The following ECHDC1 variants were observed in gnomAD, a reference collection of about 807,000 sequenced individuals.
ECHDC1 encodes ethylmalonyl-CoA decarboxylase.
ECHDC1 carries 29 observed loss-of-function variants against 29.7 expected under a neutral mutation model. That is an observed-to-expected ratio of 0.98 (90% CI 0.73 to 1.33). The LOEUF (loss-of-function observed/expected upper bound fraction) is 1.33. Ranked by LOEUF, ECHDC1 falls within the 40% of genes most tolerant of loss-of-function variation. ECHDC1 has a pLI of 0.00. For missense variants in ECHDC1, 328 were observed against 350.0 expected (o/e 0.94, Z 0.50); for synonymous variants, 126 against 123.1 (o/e 1.02, Z -0.15).
chr6:127,320,841 C>CA (rs1782773827), intron 3 of ECHDC1, among the ~76,000 whole-genome samples: 1 of 151,678 alleles, frequency 6.6e-6, no homozygotes, highest in Non-Finnish European at 1.5e-5. Context: ...TTTTCCTGCA[C>CA]AATAACCAAA....
intron 1 of ECHDC1, chr6:127,342,263 C>T (rs1785017829): frequency 4.4e-6 from 6 of 1,362,630 alleles, no homozygotes; most frequent in African/African-American, 1.5e-5. Flanking sequence ...TTTGCAGTGC[C>T]TAAAGATAAT....
At chr6:127,315,198 A>T in intron 4 of ECHDC1, 1 of 516,500 alleles carries the variant, frequency 1.9e-6, no homozygotes, top group Non-Finnish European at 3.7e-6. Flanking sequence ...AAATAAATGG[A>T]TGCTTTTGTC....
In ECHDC1 at chr6:127,293,520, A is replaced by T. The variant is rs530053649; in HGVS notation, c.498-3243T>A. On this transcript the variant is annotated intron_variant, in intron 5 of 5. Transcript: ENST00000454859. ...AACATGGTACAAAGAGGAGAGGAAG[A>T]TTCATCTCTAGATCTTAGGAAGTTA... Among the ~76,000 whole-genome samples, 4 of 152,272 alleles carry T rather than the reference A, an allele frequency of 2.6e-5. No individual in the cohort carries two copies. The East Asian group carries it at 5.8e-4, about 22-fold the overall frequency.
chr6:127,311,949 G>A (rs1781975507), intron 5 of ECHDC1, among the ~76,000 whole-genome samples: 1 of 151,854 alleles, frequency 6.6e-6, no homozygotes, highest in African/African-American at 2.4e-5. Flanking sequence ...GTATATGGGA[G>A]TTATATGTAT....
At chr6:127,290,360 T>G in intron 5 of ECHDC1, 83 bp from the exon 6 acceptor site, 4 of 1,376,422 alleles carry the variant, frequency 2.9e-6, no homozygotes, top group Non-Finnish European at 3.9e-6. Context: ...TGATCTGATG[T>G]GAATTCTCCA....
chr6:127,302,038 C>CAGT (rs536099909), intron 5 of ECHDC1, among the ~76,000 whole-genome samples: 32 of 152,260 alleles, frequency 2.1e-4, no homozygotes, highest in Non-Finnish European at 2.6e-4. Flanking sequence ...TGAGAGTAGG[C>CAGT]AGTACCCTCA....
At chr6:127,325,324 A>G (rs1783222512) in intron 3 of ECHDC1, among the ~76,000 whole-genome samples, 1 of 152,234 alleles carries the variant, frequency 6.6e-6, no homozygotes, top group African/African-American at 2.4e-5. Flanking sequence ...AAACAATGAC[A>G]GCTAAAGGTA....
intron 5 of ECHDC1, among the ~76,000 whole-genome samples, chr6:127,307,421 G>A (rs1345827897): frequency 2.0e-5 from 3 of 152,064 alleles, no homozygotes; most frequent in Middle Eastern, 6.8e-3. Context: ...ACGAGGTCAG[G>A]AGTTTGAGAC....
intron 5 of ECHDC1, among the ~76,000 whole-genome samples, chr6:127,298,593 T>C (rs1780800322): frequency 6.8e-6 from 1 of 147,398 alleles, no homozygotes; most frequent in Non-Finnish European, 1.5e-5. Context: ...ATAAATAAGG[T>C]ATACAGTCAT....
At chr6:127,293,087 A>C (rs1446813511) in intron 5 of ECHDC1, among the ~76,000 whole-genome samples, 1 of 152,102 alleles carries the variant, frequency 6.6e-6, no homozygotes, top group Non-Finnish European at 1.5e-5. Context: ...ATAACTGGGG[A>C]AAGAGTTACA....
intron 5 of ECHDC1, chr6:127,294,458 A>C (rs1046541115): frequency 6.6e-6 from 1 of 152,206 alleles, no homozygotes; most frequent in African/African-American, 2.4e-5. Flanking sequence ...ACATCACAAA[A>C]CAATGGAAAA....
chr6:127,290,412 A>T, intron 5 of ECHDC1, 135 bp from the exon 6 acceptor site: 1 of 862,990 alleles, frequency 1.2e-6, no homozygotes, highest in Non-Finnish European at 1.7e-6. Context: ...ATGTTTGAAA[A>T]ATATGGCTGT....
Position 127,299,991 on chromosome 6 carries a change from T to C in ECHDC1, c.498-9714A>G, listed in dbSNP as rs545056385. Among the ~76,000 whole-genome samples the C allele has an allele frequency of 3.9e-5, 6 of 152,272 alleles. No homozygotes were observed. The South Asian group carries it at 1.2e-3, about 32-fold the overall frequency. ...AGCCTAGGAGCAATAAGCTATACCA[T>C]ATAGCCGAGGTATGTAGTAAGCTGC... On this transcript the variant is annotated intron_variant, in intron 5 of 5. Coordinates refer to ENST00000454859, the MANE Select transcript of ECHDC1 (RefSeq NM_001002030.2).
intron 4 of ECHDC1, chr6:127,316,059 A>T (rs774260414): frequency 4.0e-5 from 19 of 471,066 alleles, no homozygotes; most frequent in South Asian, 2.9e-4. Flanking sequence ...CTCTGGATAC[A>T]GACCACTTCA....
intron 1 of ECHDC1, among the ~76,000 whole-genome samples, chr6:127,334,011 CATT>C: frequency 6.6e-6 from 1 of 152,076 alleles, no homozygotes; most frequent in South Asian, 2.1e-4. Flanking sequence ...GCTTTTTGCC[CATT>C]ATTTCTATTT....
In ECHDC1 at chr6:127,289,805, A is replaced by G. The variant is rs1779960142; in HGVS notation, c.*64T>C. The stretch of plus-strand genomic sequence containing the variant: ...AATTCTGATGTTCATATTTAATATC[A>G]TTTAACATTTATACATATTAGTCAC... On this transcript the variant is annotated 3_prime_UTR_variant, in exon 6 of 6. Coordinates refer to ENST00000454859, the MANE Select transcript of ECHDC1 (RefSeq NM_001002030.2). 1 of 1,428,844 alleles carries G rather than the reference A, an allele frequency of 7.0e-7. No homozygotes were observed. The highest frequency in any genetic ancestry group is 1.4e-5 in the South Asian group (1 of 71,942). 88.5% of individuals were successfully genotyped at this position (1,428,844 alleles called of 1,614,324 possible). A position where few individuals can be genotyped will look rare whatever the true frequency, so the allele number is the denominator to read the frequency against.
At chr6:127,317,446 A>G (rs9491730) in intron 3 of ECHDC1, among the ~76,000 whole-genome samples, 2,445 of 152,262 alleles carry the variant, frequency 0.016, 44 homozygotes, top group Middle Eastern at 0.054. Context: ...CTGAAAGTAA[A>G]AGAACTGACT....
intron 3 of ECHDC1, among the ~76,000 whole-genome samples, chr6:127,322,744 A>G (rs1782944587): frequency 1.3e-5 from 2 of 152,010 alleles, no homozygotes; most frequent in Non-Finnish European, 2.9e-5. Flanking sequence ...ACATGATCTA[A>G]AGAGACAGAA....
At chr6:127,290,856 G>A (rs1780107914) in intron 5 of ECHDC1, among the ~76,000 whole-genome samples, 1 of 152,042 alleles carries the variant, frequency 6.6e-6, no homozygotes, top group Non-Finnish European at 1.5e-5. Context: ...GGCAATGAGT[G>A]CTTTATAGCA....
Sources: allele counts gnomAD v4.1 joint callset (sites outside exome capture counted in the v4.1 genomes callset), GRCh38; gene constraint gnomAD v4.1.1; transcripts MANE v1.5; gene names NCBI Gene and HGNC (gene_info 2026-07-23, HGNC 2026-07-21).